Variants in GLYATL2 observed in about 807,000 individuals in gnomAD.
GLYATL2 encodes glycine-N-acyltransferase like 2.
In GLYATL2, 25 loss-of-function variants were observed where a neutral mutation model predicts 21.4. The ratio of observed to expected loss-of-function variants is 1.17; its 90% CI spans 0.85 to 1.63. The LOEUF (loss-of-function observed/expected upper bound fraction) is 1.63. Ranked by LOEUF, GLYATL2 falls within the 40% of genes most tolerant of loss-of-function variation. The probability of loss-of-function intolerance (pLI) is 0.00; values close to 1 mark genes in which losing one functional copy is unlikely to be tolerated. For synonymous variants in GLYATL2, 114 were observed against 118.2 expected (o/e 0.96, Z 0.23); for missense variants, 361 against 343.3 (o/e 1.05, Z -0.41).
intron 1 of GLYATL2, among the ~76,000 whole-genome samples, chr11:58,900,777 C>A (rs1854723367): frequency 1.3e-5 from 2 of 152,058 alleles, no homozygotes; most frequent in South Asian, 4.1e-4. Context: ...AATGCAGCCT[C>A]CTAAGAGAAT....
intron 1 of GLYATL2, among the ~76,000 whole-genome samples, chr11:58,897,442 G>A (rs796896791): frequency 6.6e-6 from 1 of 152,100 alleles, no homozygotes; most frequent in Admixed American, 6.6e-5. Context: ...CTATAAGGGT[G>A]CCAACCTTTT....
At chr11:58,878,590 G>A (rs1458101047) in intron 1 of GLYATL2, among the ~76,000 whole-genome samples, 1 of 152,180 alleles carries the variant, frequency 6.6e-6, no homozygotes, top group African/African-American at 2.4e-5. Context: ...CTGGTAATAA[G>A]CAGTAATGTT....
At chr11:58,890,134 G>A (rs935058205) in intron 1 of GLYATL2, among the ~76,000 whole-genome samples, 3 of 152,008 alleles carry the variant, frequency 2.0e-5, no homozygotes, top group Non-Finnish European at 4.4e-5. Flanking sequence ...AGTGTCTATT[G>A]TTCCTACATT....
chr11:58,834,965 C>T, intron 5 of GLYATL2, 128 bp from the exon 6 acceptor site: 1 of 631,256 alleles, frequency 1.6e-6, no homozygotes, highest in Non-Finnish European at 2.7e-6. Context: ...AGATGCATAA[C>T]AACTACCTTT....
At chr11:58,871,763 T>C (rs1328555417) in intron 1 of GLYATL2, among the ~76,000 whole-genome samples, 4 of 152,176 alleles carry the variant, frequency 2.6e-5, no homozygotes, top group African/African-American at 9.7e-5. Flanking sequence ...TGTGTCTTTA[T>C]AGCAGCATGA....
chr11:58,905,713 G>A (rs1031702085), upstream of GLYATL2: 2 of 424,304 alleles, frequency 4.7e-6, no homozygotes, highest in Non-Finnish European at 9.5e-6. Context: ...GGATCGCTGG[G>A]ACCGGGATGG....
At chr11:58,847,931 G>A (rs369477909), upstream of GLYATL2, among the ~76,000 whole-genome samples, 18 of 151,382 alleles carry the variant, frequency 1.2e-4, no homozygotes, top group African/African-American at 4.1e-4. Flanking sequence ...TCATAATGGC[G>A]GTGGCCACAG....
At chr11:58,885,650 A>T (rs746723499) in intron 1 of GLYATL2, 4 of 285,416 alleles carry the variant, frequency 1.4e-5, no homozygotes, top group African/African-American at 2.2e-5. Context: ...AAACGTGAGT[A>T]TTTTAAAACA....
intron 1 of GLYATL2, among the ~76,000 whole-genome samples, chr11:58,866,101 C>A (rs1854019432): frequency 6.7e-6 from 1 of 148,786 alleles, no homozygotes; most frequent in African/African-American, 2.4e-5. Context: ...GGCATTGAAA[C>A]CTCATCACCA....
intron 1 of GLYATL2, among the ~76,000 whole-genome samples, chr11:58,894,748 T>C (rs184592672): frequency 3.3e-5 from 5 of 152,238 alleles, no homozygotes; most frequent in African/African-American, 1.2e-4. Context: ...GGTAGATCTG[T>C]TACATCTTAG....
chr11:58,838,115 C>T, intron 3 of GLYATL2, 146 bp downstream of exon 3: 1 of 576,820 alleles, frequency 1.7e-6, no homozygotes, highest in East Asian at 2.9e-5. Flanking sequence ...CTGCCCTACC[C>T]TGTCTCCCAA....
intron 4 of GLYATL2, 40 bp downstream of exon 4, chr11:58,837,231 A>G (rs1336487110): frequency 6.2e-7 from 1 of 1,613,024 alleles, no homozygotes; most frequent in Non-Finnish European, 8.5e-7. Context: ...TCGGCTAGGA[A>G]TAAACCATGG....
chr11:58,836,655 G>A (rs181101751), intron 5 of GLYATL2, among the ~76,000 whole-genome samples: 44 of 152,186 alleles, frequency 2.9e-4, no homozygotes, highest in African/African-American at 1.0e-3. Context: ...CACCTAGCAA[G>A]GGAACCCAAG....
intron 1 of GLYATL2, among the ~76,000 whole-genome samples, chr11:58,858,111 C>A (rs1853864233): frequency 6.6e-6 from 1 of 152,064 alleles, no homozygotes; most frequent in African/African-American, 2.4e-5. Flanking sequence ...ATGTAGCGTG[C>A]GTTTGAGTAG....
At chr11:58,864,079 G>A (rs540434600) in intron 1 of GLYATL2, among the ~76,000 whole-genome samples, 3 of 152,298 alleles carry the variant, frequency 2.0e-5, no homozygotes, top group South Asian at 2.1e-4. Flanking sequence ...CTAGTTTTGG[G>A]CTAGTCTGGC....
At chr11:58,876,756 A>C (rs1340476118) in intron 1 of GLYATL2, among the ~76,000 whole-genome samples, 3 of 152,228 alleles carry the variant, frequency 2.0e-5, no homozygotes, top group African/African-American at 7.2e-5. Context: ...TTGAGGAGGC[A>C]GTCTGCCCGT....
rs1446851972 is a variant in GLYATL2 at position 58,838,280 on chromosome 11, A to G, written c.167T>C (p.Ile56Thr). 2 of 1,612,448 alleles carry G rather than the reference A, an allele frequency of 1.2e-6. No homozygotes were observed. Among genetic ancestry groups the G allele is most frequent in the Admixed American group, 1.7e-5 (1 of 59,952 alleles). Residue 56 changes from isoleucine to threonine, a missense_variant, in exon 3 of 6, where the codon ATT becomes ACT. By Grantham distance (89) the Ile-to-Thr change is moderately conservative (BLOSUM62 -1). Coordinates refer to ENST00000287275, the MANE Select transcript of GLYATL2 (RefSeq NM_145016.4). ...VDAWPDYQIVITRPQKQEMKD... is the reference protein window; with the variant it reads ...VDAWPDYQIVTTRPQKQEMKD... Reference sequence around the variant, plus strand: ...TCCTACCTGTTTCTGAGGCCGGGTAATGACGATCTGGTAATCTGGCCAGGC... The same window carrying G: ...TCCTACCTGTTTCTGAGGCCGGGTAGTGACGATCTGGTAATCTGGCCAGGC...
chr11:58,898,617 G>C (rs752144882), intron 1 of GLYATL2, among the ~76,000 whole-genome samples: 8 of 151,782 alleles, frequency 5.3e-5, no homozygotes. Flanking sequence ...GGCAGATCAC[G>C]AAGGTCAGGA....
chr11:58,841,748 T>A (rs1411143207), intron 1 of GLYATL2, among the ~76,000 whole-genome samples: 2 of 152,194 alleles, frequency 1.3e-5, no homozygotes, highest in Non-Finnish European at 2.9e-5. Flanking sequence ...TCTGCAGGCT[T>A]TGGTAGCATA....
Sources: allele counts gnomAD v4.1 joint callset (sites outside exome capture counted in the v4.1 genomes callset), GRCh38; gene constraint gnomAD v4.1.1; transcripts MANE v1.5; gene names NCBI Gene and HGNC (gene_info 2026-07-23, HGNC 2026-07-21).